Variants in ADIPOR2 observed in about 807,000 individuals in gnomAD.
The protein encoded by ADIPOR2 is adiponectin receptor 2.
ADIPOR2 carries 18 observed loss-of-function variants against 40.9 expected under a neutral mutation model. That is an observed-to-expected ratio of 0.44 (90% CI 0.30 to 0.65). The LOEUF is 0.65. Ranked by LOEUF, ADIPOR2 falls within the 30% of genes least tolerant of loss-of-function variation. The probability of loss-of-function intolerance (pLI) is 0.09; values close to 1 mark genes in which losing one functional copy is unlikely to be tolerated. For missense variants in ADIPOR2, 283 were observed against 479.2 expected (o/e 0.59, Z 3.82); for synonymous variants, 165 against 166.4 (o/e 0.99, Z 0.06).
At position 1,785,406 on chromosome 12, in the gene ADIPOR2, T is replaced by G. The variant is rs143950856; in HGVS notation, c.1033-538T>G. On this transcript the variant is annotated intron_variant, in intron 7 of 7. Transcript: ENST00000357103. ...TGAGAATCGTAGCACTGAAGGAAACTCTGGGGACCATATGTTGTGACATTC... is the reference window on the plus strand; with the variant it reads ...TGAGAATCGTAGCACTGAAGGAAACGCTGGGGACCATATGTTGTGACATTC... Among the ~76,000 whole-genome samples the G allele has an allele frequency of 6.1e-3, 934 of 152,338 alleles. 8 individuals carry two copies. Among genetic ancestry groups the G allele is most frequent in the South Asian group, 0.02 (95 of 4,826 alleles).
intron 2 of ADIPOR2, among the ~76,000 whole-genome samples, chr12:1,762,714 T>C (rs1346634359): frequency 6.6e-6 from 1 of 152,290 alleles, no homozygotes; most frequent in East Asian, 1.9e-4. Context: ...TTGAATATGT[T>C]ATTCGTTCCT....
chr12:1,723,034 T>C (rs1379390690), intron 1 of ADIPOR2, among the ~76,000 whole-genome samples: 9 of 152,228 alleles, frequency 5.9e-5, no homozygotes, highest in African/African-American at 9.6e-5. Context: ...TACACAAATA[T>C]AGAAATTCCT....
At chr12:1,769,920 A>ATTT (rs113858183) in intron 2 of ADIPOR2, among the ~76,000 whole-genome samples, 1 of 140,424 alleles carries the variant, frequency 7.1e-6, no homozygotes. Context: ...TACTAAAGTA[A>ATTT]TTTTTTTTTT....
intron 3 of ADIPOR2, among the ~76,000 whole-genome samples, chr12:1,776,140 C>T (rs10773991): frequency 0.42 from 63,473 of 151,954 alleles, 14,626 homozygotes; most frequent in Non-Finnish European, 0.53. Context: ...TTAAGAGGGA[C>T]ACATCTGTTC....
In ADIPOR2 at chr12:1,709,571, G is replaced by A. The variant is rs1358678266; in HGVS notation, c.-87+18380G>A. Among the ~76,000 whole-genome samples the A allele has an allele frequency of 5.9e-5, 9 of 152,170 alleles. No individual in the cohort carries two copies. The East Asian group carries it at 1.4e-3, about 23-fold the overall frequency. Reference sequence around the variant, plus strand: ...ATGGGTTTTAAATTTGTATGACTGTGGCTTATTTTAATTTCTCTGAATTTG... The same window carrying A: ...ATGGGTTTTAAATTTGTATGACTGTAGCTTATTTTAATTTCTCTGAATTTG... On this transcript the variant is annotated intron_variant, in intron 1 of 7. Coordinates refer to ENST00000357103, the MANE Select transcript of ADIPOR2 (RefSeq NM_024551.3).
At chr12:1,715,542 C>T (rs746389268) in intron 1 of ADIPOR2, among the ~76,000 whole-genome samples, 8 of 152,126 alleles carry the variant, frequency 5.3e-5, no homozygotes, top group African/African-American at 9.7e-5. Flanking sequence ...CTTTAAAAAC[C>T]GGACCATTGT....
At chr12:1,782,976 C>CTTTTTTTTTTTTTTTTTTTTTTTTTT (rs71055199) in intron 6 of ADIPOR2, among the ~76,000 whole-genome samples, 4 of 109,756 alleles carry the variant, frequency 3.6e-5, no homozygotes, top group Admixed American at 9.6e-5. Flanking sequence ...TTCTTTCTTT[C>CTTTTTTTTTTTTTTTTTTTTTTTTTT]TTTTTTTTTT....
intron 1 of ADIPOR2, among the ~76,000 whole-genome samples, chr12:1,746,258 G>T (rs2094754758): frequency 6.6e-6 from 1 of 152,168 alleles, no homozygotes; most frequent in East Asian, 1.9e-4. Flanking sequence ...GGTGGCTCAT[G>T]CCTGTAATCC....
At chr12:1,725,366 C>T (rs574003847) in intron 1 of ADIPOR2, among the ~76,000 whole-genome samples, 12 of 152,194 alleles carry the variant, frequency 7.9e-5, no homozygotes, top group African/African-American at 2.4e-4. Flanking sequence ...GTGATCCACC[C>T]GTCTTGGCCT....
chr12:1,745,735 G>A (rs1382375780), intron 1 of ADIPOR2, among the ~76,000 whole-genome samples: 1 of 152,050 alleles, frequency 6.6e-6, no homozygotes, highest in Non-Finnish European at 1.5e-5. Context: ...TTGATGTTTT[G>A]TTCTTGCTTC....
intron 1 of ADIPOR2, chr12:1,730,875 T>C (rs2154442541): frequency 7.2e-6 from 1 of 139,628 alleles, no homozygotes; most frequent in East Asian, 2.2e-4. Flanking sequence ...TGTAGGCTGA[T>C]TATGTAAAAG....
chr12:1,720,640 G>A (rs995155127), intron 1 of ADIPOR2, among the ~76,000 whole-genome samples: 1 of 152,088 alleles, frequency 6.6e-6, no homozygotes, highest in African/African-American at 2.4e-5. Flanking sequence ...TACAGGAGGC[G>A]GAGCTCAGGT....
Position 1,765,900 on chromosome 12 carries a change from ACTTT to A in ADIPOR2, c.172-6936_172-6933del, listed in dbSNP as rs369835223. Among the ~76,000 whole-genome samples, 216 of 152,262 alleles carry A rather than the reference ACTTT, an allele frequency of 1.4e-3. 1 individual carries two copies. Among genetic ancestry groups the A allele is most frequent in the Middle Eastern group, 3.4e-3 (1 of 294 alleles). ...TCCTAATTTCTCTTAAATAGTACCAACTTTCTTTCAGGTACTCAGACTTGGTTCC... is the reference window on the plus strand; with the variant it reads ...TCCTAATTTCTCTTAAATAGTACCAACTTTCAGGTACTCAGACTTGGTTCC... On this transcript the variant is annotated intron_variant, in intron 2 of 7. Coordinates refer to ENST00000357103, the MANE Select transcript of ADIPOR2 (RefSeq NM_024551.3).
At chr12:1,769,682 C>T (rs1031114409) in intron 2 of ADIPOR2, among the ~76,000 whole-genome samples, 16 of 151,932 alleles carry the variant, frequency 1.1e-4, no homozygotes, top group African/African-American at 3.9e-4. Flanking sequence ...TCTGGGATTA[C>T]AGGCGCTCGC....
chr12:1,726,223 G>A (rs2094707694), intron 1 of ADIPOR2, among the ~76,000 whole-genome samples: 1 of 151,972 alleles, frequency 6.6e-6, no homozygotes, highest in Non-Finnish European at 1.5e-5. Context: ...TTGAGACGGA[G>A]TTTCATTCTT....
At chr12:1,699,556 C>T (rs754467634) in intron 1 of ADIPOR2, among the ~76,000 whole-genome samples, 3 of 152,188 alleles carry the variant, frequency 2.0e-5, no homozygotes, top group Non-Finnish European at 4.4e-5. Context: ...GAGACCGAGG[C>T]AGGATAATCA....
chr12:1,735,290 C>G (rs2094728077), intron 1 of ADIPOR2, among the ~76,000 whole-genome samples: 1 of 152,164 alleles, frequency 6.6e-6, no homozygotes, highest in African/African-American at 2.4e-5. Flanking sequence ...GTTTGTAGTT[C>G]TCCTTGAAGA....
intron 1 of ADIPOR2, among the ~76,000 whole-genome samples, chr12:1,748,255 A>T (rs10744551): frequency 0.44 from 66,958 of 151,580 alleles, 16,603 homozygotes; most frequent in East Asian, 0.57. Context: ...TTATTTATTT[A>T]TTCTTTTTTT....
In ADIPOR2 at chr12:1,754,702, C is replaced by T. The variant is rs923835333; in HGVS notation, c.171+188C>T. 3.5e-4 allele frequency among the ~76,000 whole-genome samples: 19 copies of T among 54,868 alleles called. No homozygotes were observed. The Admixed American group carries it at 3.5e-3, about 10-fold the overall frequency. The allele number at this position is 54,868 out of a possible 152,430, so 36.0% of individuals were successfully genotyped here. A position where few individuals can be genotyped will look rare whatever the true frequency, so the allele number is the denominator to read the frequency against. ...TCTCTTATCTTTATTATTATTATTACTACTACTACTACTACTACTACTACT... is the reference window on the plus strand; with the variant it reads ...TCTCTTATCTTTATTATTATTATTATTACTACTACTACTACTACTACTACT... On this transcript the variant is annotated intron_variant, in intron 2 of 7. Coordinates refer to ENST00000357103, the MANE Select transcript of ADIPOR2 (RefSeq NM_024551.3).
Sources: allele counts gnomAD v4.1 joint callset (sites outside exome capture counted in the v4.1 genomes callset), GRCh38; gene constraint gnomAD v4.1.1; transcripts MANE v1.5; gene names NCBI Gene and HGNC (gene_info 2026-07-23, HGNC 2026-07-21).